OGT: variants seen among roughly 807,000 people sequenced by gnomAD.
The protein encoded by OGT is O-linked N-acetylglucosamine (GlcNAc) transferase.
OGT carries 3 observed loss-of-function variants against 75.8 expected under a neutral mutation model. The observed-to-expected ratio is 0.04, with a 90% CI of 0.02 to 0.10. The LOEUF (loss-of-function observed/expected upper bound fraction) is 0.10, where lower values mean the gene tolerates loss of function less well. Among genes scored for constraint, OGT ranks in the 10% least tolerant of loss-of-function variants. The pLI is 1.00. For missense variants in OGT, 260 were observed against 824.4 expected (o/e 0.32, Z 8.38); for synonymous variants, 257 against 289.7 (o/e 0.89, Z 1.15).
chrX:71,549,295 CAAAAAAAAA>C (rs35779562), intron 5 of OGT, among the ~76,000 whole-genome samples: 1 of 21,838 alleles, frequency 4.6e-5, no homozygotes, highest in Non-Finnish European at 7.8e-5. Flanking sequence ...GGCCCTGTCT[CAAAAAAAAA>C]AAAAAAAAAA....
chrX:71,549,496 T>C (rs2040287068), intron 5 of OGT, among the ~76,000 whole-genome samples: 1 of 108,986 alleles, frequency 9.2e-6, no homozygotes, highest in Non-Finnish European at 1.9e-5. Flanking sequence ...GTGTTGAAAA[T>C]GTACTTTAGG....
intron 4 of OGT, chrX:71,545,291 C>T (rs919786965): frequency 2.7e-5 from 3 of 111,060 alleles, no homozygotes; most frequent in Admixed American, 9.6e-5. Context: ...CTCCCCACCC[C>T]AACCCCTTAA....
chrX:71,557,884 C>G (rs920077767), intron 12 of OGT, among the ~76,000 whole-genome samples: 1 of 111,635 alleles, frequency 9.0e-6, no homozygotes, highest in Admixed American at 9.5e-5. Flanking sequence ...AACTCCTTCA[C>G]TTAAACACTA....
intron 11 of OGT, 47 bp from the exon 12 acceptor site, chrX:71,557,446 C>T: frequency 8.6e-7 from 1 of 1,156,969 alleles, no homozygotes; most frequent in Non-Finnish European, 1.2e-6. Context: ...AATATTAAAT[C>T]CTGGGATAGG....
At chrX:71,572,458 G>A (rs1309413039) in intron 21 of OGT, among the ~76,000 whole-genome samples, 1 of 112,475 alleles carries the variant, frequency 8.9e-6, no homozygotes, top group Non-Finnish European at 1.9e-5. Context: ...CCATTTTACT[G>A]CTTCTGTCAC....
At chrX:71,543,752 GTGTGTGTGTGTGTGTATATATATA>G (rs2040238067) in intron 3 of OGT, among the ~76,000 whole-genome samples, 1 of 64,081 alleles carries the variant, frequency 1.6e-5, no homozygotes, top group African/African-American at 1.1e-4. Flanking sequence ...GTGTGTGTGT[GTGTGTGTGTGTGTGTATATATATA>G]TATATATATA....
chrX:71,550,348 T>G (rs1027825247), intron 5 of OGT, among the ~76,000 whole-genome samples: 5 of 112,393 alleles, frequency 4.4e-5, no homozygotes, highest in Non-Finnish European at 9.4e-5. Flanking sequence ...GAGCATATTT[T>G]TTATATATCT....
chrX:71,549,390 T>C (rs1408029523), intron 5 of OGT, among the ~76,000 whole-genome samples: 1 of 110,119 alleles, frequency 9.1e-6, no homozygotes, highest in South Asian at 3.9e-4. Flanking sequence ...TTTCAACTTA[T>C]GATGGGTGTA....
chrX:71,546,556 T>G, intron 4 of OGT: 1 of 753,887 alleles, frequency 1.3e-6, no homozygotes, highest in Non-Finnish European at 1.6e-6. Flanking sequence ...GTCTTGTGGC[T>G]TCAGAAACAG....
At chrX:71,572,832 G>T in intron 21 of OGT, among the ~76,000 whole-genome samples, 1 of 112,154 alleles carries the variant, frequency 8.9e-6, no homozygotes, top group Non-Finnish European at 1.9e-5. Context: ...TCTGGCTTCT[G>T]GTTCTAAAGT....
intron 21 of OGT, among the ~76,000 whole-genome samples, chrX:71,568,555 T>C (rs1438655591): frequency 8.9e-6 from 1 of 111,996 alleles, no homozygotes; most frequent in East Asian, 2.8e-4. Flanking sequence ...AGGCTGGGTG[T>C]GGTGGCTTAT....
intron 1 of OGT, chrX:71,534,161 C>T (rs757305687): frequency 9.0e-6 from 1 of 111,077 alleles, no homozygotes; most frequent in Non-Finnish European, 1.9e-5. Flanking sequence ...CCTGCCCGCC[C>T]AATTCTCGCT....
At chrX:71,558,505 C>T (rs773253844) in intron 12 of OGT, among the ~76,000 whole-genome samples, 9 of 108,082 alleles carry the variant, frequency 8.3e-5, no homozygotes, top group South Asian at 4.0e-4. Flanking sequence ...GGATTACAGG[C>T]GTGTGCCACC....
Position 71,537,987 on chromosome X carries a change from A to G in OGT, c.377A>G (p.Tyr126Cys). 8.3e-7 allele frequency: 1 copy of G among 1,211,996 alleles called. No individual in the cohort carries two copies. Reference protein sequence around the residue: ...LRLKPDFIDGYINLAAALVAA... With the variant: ...LRLKPDFIDGCINLAAALVAA... ...CTCAAACCTGATTTCATCGATGGTT[A>G]TATTAACCTGGCAGCCGCCTTGGTA... Residue 126 changes from tyrosine (Y) to cysteine (C), a missense_variant, in exon 3 of 22, where the codon TAT becomes TGT. Around this residue, in one of 6 missense-constraint regions of OGT, gnomAD observed 38 missense variants for 117.1 expected, o/e 0.32. Transcript: ENST00000373719.
chrX:71,558,976 T>G (rs1222404121), intron 12 of OGT, among the ~76,000 whole-genome samples: 1 of 100,182 alleles, frequency 1.0e-5, no homozygotes, highest in African/African-American at 3.7e-5. Context: ...AGAGATTGGA[T>G]TTCACTGTGT....
intron 3 of OGT, among the ~76,000 whole-genome samples, chrX:71,538,891 A>C (rs1000343273): frequency 1.8e-5 from 2 of 112,223 alleles, no homozygotes; most frequent in Non-Finnish European, 3.8e-5. Context: ...GTTTACTGAA[A>C]GTCTGTGTGG....
chrX:71,535,730 A>G (rs1470137173), intron 1 of OGT, among the ~76,000 whole-genome samples: 1 of 111,931 alleles, frequency 8.9e-6, no homozygotes, highest in East Asian at 2.8e-4. Flanking sequence ...CCAACCTGAA[A>G]TATGGCACAA....
chrX:71,574,106 C>T lies in OGT; in HGVS notation c.*312C>T, dbSNP rs765918180. On this transcript the variant is annotated 3_prime_UTR_variant, in exon 22 of 22. Transcript: ENST00000373719. ...GTGTGGAGGGGAGATATAGATTGTC[C>T]GGCCGCTTTGTGATTCCATGGATTG... 16 of 153,012 alleles carry T rather than the reference C, an allele frequency of 1.0e-4. No homozygotes were observed. The highest frequency in any genetic ancestry group is 1.7e-4 in the Non-Finnish European group (14 of 80,251). 12.6% of individuals were successfully genotyped at this position (153,012 alleles called of 1,213,427 possible).
Position 71,556,755 on chromosome X carries a change from C to T in OGT, c.1141C>T (p.Leu381=), listed in dbSNP as rs755051797. 2 of 1,194,361 alleles carry T rather than the reference C, an allele frequency of 1.7e-6. No individual in the cohort carries two copies. The highest frequency in any genetic ancestry group is 5.9e-5 in the East Asian group (2 of 33,670). ...LQQQGKLQEA[L]MHYKEAIRIS... ...GCAGCAGGGAAAACTGCAGGAAGCT[C>T]TGATGCATTATAAGGAGGCTATTCG... Residue 381 remains leucine, a synonymous_variant, in exon 9 of 22, where the codon CTG becomes TTG. Coordinates refer to ENST00000373719, the MANE Select transcript of OGT (RefSeq NM_181672.3).
Sources: allele counts gnomAD v4.1 joint callset (sites outside exome capture counted in the v4.1 genomes callset), GRCh38; gene constraint gnomAD v4.1.1; regional missense constraint gnomAD v4.1.1; transcripts MANE v1.5; gene names NCBI Gene and HGNC (gene_info 2026-07-23, HGNC 2026-07-21).